Variants in IL1RAPL2 observed in about 807,000 individuals in gnomAD.
The protein encoded by IL1RAPL2 is interleukin 1 receptor accessory protein like 2.
IL1RAPL2 carries 3 observed loss-of-function variants against 44.1 expected under a neutral mutation model. The observed-to-expected ratio is 0.07, with a 90% CI of 0.03 to 0.18. The LOEUF is 0.18. IL1RAPL2 is among the 10% of genes least tolerant of loss of function. The probability of loss-of-function intolerance (pLI) is 1.00; values close to 1 mark genes in which losing one functional copy is unlikely to be tolerated. For synonymous variants in IL1RAPL2, 181 were observed against 178.8 expected (o/e 1.01, Z -0.10); for missense variants, 391 against 496.4 (o/e 0.79, Z 2.02).
At chrX:105,706,532 A>G (rs2038166915) in intron 6 of IL1RAPL2, among the ~76,000 whole-genome samples, 1 of 111,567 alleles carries the variant, frequency 9.0e-6, no homozygotes, top group South Asian at 3.8e-4. Context: ...ACTCATAGGA[A>G]AGGCAAGAAC....
At chrX:105,170,501 G>A (rs2033414079) in intron 2 of IL1RAPL2, among the ~76,000 whole-genome samples, 2 of 111,650 alleles carry the variant, frequency 1.8e-5, no homozygotes, top group Non-Finnish European at 3.8e-5. Context: ...GTTAGATACT[G>A]TTTGTTCTAA....
intron 6 of IL1RAPL2, among the ~76,000 whole-genome samples, chrX:105,712,773 A>C (rs756592053): frequency 8.9e-6 from 1 of 112,051 alleles, no homozygotes; most frequent in Admixed American, 9.4e-5. Context: ...GTTCAAGTCC[A>C]AAGTCTCATC....
At chrX:104,723,025 A>G (rs994940433) in intron 2 of IL1RAPL2, among the ~76,000 whole-genome samples, 2 of 111,347 alleles carry the variant, frequency 1.8e-5, no homozygotes, top group Non-Finnish European at 3.8e-5. Flanking sequence ...CTTCTTTGCC[A>G]TGCTATGGTA....
intron 1 of IL1RAPL2, among the ~76,000 whole-genome samples, chrX:104,579,380 G>T (rs1021515465): frequency 1.8e-5 from 2 of 112,045 alleles, no homozygotes; most frequent in Non-Finnish European, 3.8e-5. Context: ...TAAAGAAAAT[G>T]TAGTACATAT....
intron 5 of IL1RAPL2, among the ~76,000 whole-genome samples, chrX:105,293,089 G>A (rs1333857682): frequency 1.2e-5 from 1 of 81,714 alleles, no homozygotes; most frequent in African/African-American, 5.2e-5. Flanking sequence ...CTGCACTCCA[G>A]CCTAGGCGAC....
At chrX:104,969,666 C>T (rs1373522671) in intron 2 of IL1RAPL2, among the ~76,000 whole-genome samples, 1 of 111,212 alleles carries the variant, frequency 9.0e-6, no homozygotes, top group African/African-American at 3.3e-5. Context: ...CAAGAGAAAA[C>T]AACTCAAGAG....
chrX:105,145,700 G>C (rs2033173380), intron 2 of IL1RAPL2, among the ~76,000 whole-genome samples: 1 of 110,819 alleles, frequency 9.0e-6, no homozygotes, highest in African/African-American at 3.3e-5. Flanking sequence ...GGGGGGCCTA[G>C]GTTTACTACA....
intron 1 of IL1RAPL2, among the ~76,000 whole-genome samples, chrX:104,606,375 C>A (rs1224695790): frequency 1.8e-5 from 2 of 111,601 alleles, no homozygotes; most frequent in Admixed American, 1.9e-4. Context: ...ACTGAATGGG[C>A]AAAAAGTGGA....
At chrX:104,861,885 G>A (rs1922504391) in intron 2 of IL1RAPL2, among the ~76,000 whole-genome samples, 1 of 111,494 alleles carries the variant, frequency 9.0e-6, no homozygotes. Context: ...GATTGAATCT[G>A]TGGATGCAGA....
At chrX:104,928,674 C>A (rs1253134946) in intron 2 of IL1RAPL2, among the ~76,000 whole-genome samples, 1 of 111,208 alleles carries the variant, frequency 9.0e-6, no homozygotes, top group Non-Finnish European at 1.9e-5. Flanking sequence ...TAAGCACTGG[C>A]CAAAAAATGT....
intron 5 of IL1RAPL2, among the ~76,000 whole-genome samples, chrX:105,383,239 A>G (rs752062048): frequency 1.8e-5 from 2 of 110,599 alleles, no homozygotes; most frequent in Non-Finnish European, 3.8e-5. Context: ...CCCATTAACC[A>G]ACCCCTCTTT....
chrX:104,930,269 A>T (rs770498543), intron 2 of IL1RAPL2, among the ~76,000 whole-genome samples: 1 of 112,253 alleles, frequency 8.9e-6, no homozygotes, highest in African/African-American at 3.2e-5. Context: ...TGATAATTTT[A>T]TGGAATTAAT....
chrX:105,490,742 A>C (rs967313874), intron 6 of IL1RAPL2, among the ~76,000 whole-genome samples: 6 of 112,552 alleles, frequency 5.3e-5, no homozygotes, highest in Non-Finnish European at 1.1e-4. Context: ...GGATGCCAGC[A>C]TATTAGCTCC....
intron 2 of IL1RAPL2, among the ~76,000 whole-genome samples, chrX:104,926,103 T>A (rs1924765761): frequency 8.9e-6 from 1 of 111,886 alleles, no homozygotes; most frequent in Admixed American, 9.5e-5. Flanking sequence ...GAGCAACAAA[T>A]ATTTTCTGGC....
chrX:105,392,052 G>A (rs1222613237), intron 5 of IL1RAPL2, among the ~76,000 whole-genome samples: 5 of 104,122 alleles, frequency 4.8e-5, no homozygotes, highest in African/African-American at 1.8e-4. Context: ...GCTAAATGAC[G>A]AGTTAATGGG....
At chrX:104,567,767 T>G (rs924381057) in intron 1 of IL1RAPL2, among the ~76,000 whole-genome samples, 1 of 112,375 alleles carries the variant, frequency 8.9e-6, no homozygotes, top group Non-Finnish European at 1.9e-5. Context: ...AGAGTAGGGA[T>G]AGCCACTCGC....
chrX:104,756,774 G>A (rs907191059), intron 2 of IL1RAPL2, among the ~76,000 whole-genome samples: 1 of 109,961 alleles, frequency 9.1e-6, no homozygotes, highest in South Asian at 3.9e-4. Flanking sequence ...GGCCAGGGAA[G>A]ACTTCACTGA....
At chrX:104,716,267 T>A (rs943779075) in intron 2 of IL1RAPL2, among the ~76,000 whole-genome samples, 2 of 111,379 alleles carry the variant, frequency 1.8e-5, no homozygotes, top group African/African-American at 6.5e-5. Flanking sequence ...TTACACCACA[T>A]ACAAAGATTA....
At chrX:104,906,932 T>A (rs1017981509) in intron 2 of IL1RAPL2, among the ~76,000 whole-genome samples, 3 of 111,833 alleles carry the variant, frequency 2.7e-5, no homozygotes, top group African/African-American at 9.8e-5. Context: ...CTTCTGGTCC[T>A]GGACTCTTTT....
Sources: gnomAD v4.1 joint callset for allele counts (sites outside exome capture counted in the v4.1 genomes callset) on GRCh38, gnomAD v4.1.1 for gene constraint, MANE v1.5 for transcripts, NCBI Gene and HGNC (gene_info 2026-07-23, HGNC 2026-07-21) for gene names.